NRXN3: variants seen among roughly 807,000 people sequenced by gnomAD.
NRXN3 encodes neurexin 3.
NRXN3 carries 32 observed loss-of-function variants against 137.6 expected under a neutral mutation model. The observed-to-expected ratio is 0.23, with a 90% CI of 0.18 to 0.31. The LOEUF (loss-of-function observed/expected upper bound fraction) is 0.31, where lower values mean the gene tolerates loss of function less well. NRXN3 is among the 10% of genes least tolerant of loss of function. NRXN3 has a pLI of 1.00. For missense variants in NRXN3, 1,574 were observed against 2,062.5 expected (o/e 0.76, Z 4.59); for synonymous variants, 798 against 784.5 (o/e 1.02, Z -0.29).
chr14:78,634,362 G>A (rs1372801630), intron 4 of NRXN3, among the ~76,000 whole-genome samples: 1 of 152,158 alleles, frequency 6.6e-6, no homozygotes. Context: ...AATTCCACAG[G>A]TCTTTACTTA....
At chr14:79,759,899 A>T (rs2099032591) in intron 19 of NRXN3, among the ~76,000 whole-genome samples, 1 of 151,670 alleles carries the variant, frequency 6.6e-6, no homozygotes, top group South Asian at 2.1e-4. Flanking sequence ...TGGGAAGACA[A>T]GATCTGTCTG....
At chr14:79,467,424 G>A (rs771037651) in intron 16 of NRXN3, 22 bp downstream of exon 16, 2 of 1,558,728 alleles carry the variant, frequency 1.3e-6, no homozygotes, top group Admixed American at 3.5e-5. Flanking sequence ...GCCTTGGCCT[G>A]GATTTTCTTA....
At chr14:78,708,861 A>G (rs2241440) in intron 6 of NRXN3, among the ~76,000 whole-genome samples, 148,769 of 152,322 alleles carry the variant, frequency 0.98, 72,715 homozygotes, top group Non-Finnish European at 0.99. Context: ...TGTTTCTGGT[A>G]TTTTACTAAG....
chr14:78,461,860 C>T (rs1319411843), intron 4 of NRXN3, among the ~76,000 whole-genome samples: 1 of 152,134 alleles, frequency 6.6e-6, no homozygotes, highest in Non-Finnish European at 1.5e-5. Flanking sequence ...GTGTACCTTT[C>T]CAGACACTAT....
intron 4 of NRXN3, among the ~76,000 whole-genome samples, chr14:78,395,122 T>C (rs1328305353): frequency 2.0e-5 from 3 of 151,794 alleles, no homozygotes; most frequent in Non-Finnish European, 4.4e-5. Context: ...TTTTAGGTTT[T>C]CGAGATGTGG....
chr14:78,245,828 G>A (rs184792227), intron 2 of NRXN3, among the ~76,000 whole-genome samples: 54 of 152,168 alleles, frequency 3.5e-4, no homozygotes, highest in Admixed American at 1.9e-3. Flanking sequence ...CATATATATC[G>A]TCCTTATTTG....
At chr14:78,408,438 A>T (rs146697718) in intron 4 of NRXN3, among the ~76,000 whole-genome samples, 58 of 152,354 alleles carry the variant, frequency 3.8e-4, no homozygotes, top group Non-Finnish European at 7.2e-4. Flanking sequence ...GAGTCCACAT[A>T]TAAGAGAAAT....
At chr14:79,261,428 C>T (rs2077557479) in intron 15 of NRXN3, among the ~76,000 whole-genome samples, 1 of 151,930 alleles carries the variant, frequency 6.6e-6, no homozygotes, top group Non-Finnish European at 1.5e-5. Context: ...GCAGAAAGGG[C>T]ACAGAGAAGG....
chr14:79,513,053 T>C (rs2096947703), intron 16 of NRXN3, among the ~76,000 whole-genome samples: 2 of 152,290 alleles, frequency 1.3e-5, no homozygotes, highest in East Asian at 1.9e-4. Context: ...GTAGAAAAAC[T>C]AAAATAAATT....
rs181944593 is a variant in NRXN3 at position 79,540,448 on chromosome 14, C to T, written c.3444+73046C>T. ...GTGAGAGCATTCAAAATCTTCTCTT[C>T]TAGCTATTTTGAAATACAACAATAC... On this transcript the variant is annotated intron_variant, in intron 16 of 20. Transcript: ENST00000335750. 4.1e-3 allele frequency among the ~76,000 whole-genome samples: 627 copies of T among 152,232 alleles called. 2 individuals carry two copies. Among genetic ancestry groups the T allele is most frequent in the Non-Finnish European group, 6.4e-3 (437 of 68,020 alleles).
intron 10 of NRXN3, among the ~76,000 whole-genome samples, chr14:78,823,733 GA>G (rs2098957980): frequency 6.6e-6 from 1 of 152,050 alleles, no homozygotes; most frequent in Non-Finnish European, 1.5e-5. Flanking sequence ...CAGGGTAGCT[GA>G]ATATACATAT....
chr14:78,860,385 T>A lies in NRXN3; in HGVS notation c.2275+50041T>A, dbSNP rs542035449. On this transcript the variant is annotated intron_variant, in intron 10 of 20. Transcript: ENST00000335750. ...TAAATTCTACCCTCTATGCCCTCCA[T>A]CTTATATAAACCTTAACTCCAGGAA... 3.7e-4 allele frequency among the ~76,000 whole-genome samples: 56 copies of A among 152,240 alleles called. No individual in the cohort carries two copies. In the East Asian group the frequency reaches 5.0e-3, roughly 14 times the overall value.
intron 15 of NRXN3, among the ~76,000 whole-genome samples, chr14:79,432,927 G>A (rs2095787553): frequency 6.6e-6 from 1 of 152,170 alleles, no homozygotes; most frequent in Non-Finnish European, 1.5e-5. Context: ...AGGGTGAGGG[G>A]ACTGTCAGAA....
chr14:78,904,791 T>C (rs1344720631), intron 10 of NRXN3, among the ~76,000 whole-genome samples: 1 of 152,016 alleles, frequency 6.6e-6, no homozygotes, highest in African/African-American at 2.4e-5. Flanking sequence ...CTCTTTTCCA[T>C]AGTTCTCCTG....
In NRXN3 at chr14:78,990,361, ATTTT is replaced by A. The variant is rs1163720240; in HGVS notation, c.3262+2242_3262+2245del. On this transcript the variant is annotated intron_variant, in intron 15 of 20. Coordinates refer to ENST00000335750, the MANE Select transcript of NRXN3 (RefSeq NM_001330195.2). ...CATGCAAATGATGAAGTTCACATCT[ATTTT>A]TTTTTTTTTTTTTTTTTTTTTGAGA... Among the ~76,000 whole-genome samples the A allele has an allele frequency of 7.9e-3, 603 of 76,050 alleles. 3 individuals carry two copies. Among genetic ancestry groups the A allele is most frequent in the African/African-American group, 0.032 (588 of 18,606 alleles). 49.9% of individuals were successfully genotyped at this position (76,050 alleles called of 152,430 possible).
chr14:78,982,907 A>G (rs1360247188), intron 14 of NRXN3, among the ~76,000 whole-genome samples: 1 of 152,200 alleles, frequency 6.6e-6, no homozygotes, highest in Non-Finnish European at 1.5e-5. Context: ...ACTATTATCC[A>G]AAATATATAA....
chr14:79,332,951 A>G (rs192123734), intron 15 of NRXN3, among the ~76,000 whole-genome samples: 1 of 152,278 alleles, frequency 6.6e-6, no homozygotes, highest in Non-Finnish European at 1.5e-5. Flanking sequence ...GTTGTATCCC[A>G]AAGTAGATAA....
At chr14:79,525,696 G>C (rs1486534200) in intron 16 of NRXN3, among the ~76,000 whole-genome samples, 1 of 152,194 alleles carries the variant, frequency 6.6e-6, no homozygotes, top group African/African-American at 2.4e-5. Context: ...TTGTGAAGTA[G>C]TGTTGACTGC....
At chr14:79,475,091 T>C (rs2096548442) in intron 16 of NRXN3, among the ~76,000 whole-genome samples, 1 of 152,074 alleles carries the variant, frequency 6.6e-6, no homozygotes, top group Admixed American at 6.6e-5. Flanking sequence ...AGCCAGACTG[T>C]GGGGAGCTAA....
Sources: gnomAD v4.1 joint callset for allele counts (sites outside exome capture counted in the v4.1 genomes callset) on GRCh38, gnomAD v4.1.1 for gene constraint, MANE v1.5 for transcripts, NCBI Gene and HGNC (gene_info 2026-07-23, HGNC 2026-07-21) for gene names.